The following TEAD1 variants were observed in gnomAD, a reference collection of about 807,000 sequenced individuals.
TEAD1 encodes transcriptional enhancer factor TEF-1.
A neutral mutation model predicts 54.9 loss-of-function variants in TEAD1; 9 were observed. That is an observed-to-expected ratio of 0.16 (90% confidence interval 0.10 to 0.29). The LOEUF is 0.29. Ranked by LOEUF, TEAD1 falls within the 10% of genes least tolerant of loss-of-function variation. The pLI, the probability that TEAD1 is intolerant of heterozygous loss-of-function variation, is 1.00. For synonymous variants in TEAD1, 200 were observed against 187.8 expected (o/e 1.07, Z -0.53); for missense variants, 387 against 535.9 (o/e 0.72, Z 2.74).
chr11:12,881,776 C>CCTG, intron 7 of TEAD1, 120 bp from the exon 8 acceptor site: 1 of 1,008,068 alleles, frequency 9.9e-7, no homozygotes. Context: ...GTGCTACCAC[C>CCTG]TGCAGGCAGG....
intron 10 of TEAD1, chr11:12,922,484 G>A (rs1948828016): frequency 6.6e-6 from 1 of 152,118 alleles, no homozygotes; most frequent in Non-Finnish European, 1.5e-5. Flanking sequence ...TTTGTAGACA[G>A]AAAGTAGGAA....
chr11:12,911,436 G>A (rs1004215289), intron 10 of TEAD1, among the ~76,000 whole-genome samples: 4 of 152,170 alleles, frequency 2.6e-5, no homozygotes, highest in Admixed American at 6.5e-5. Context: ...TTAACAATAC[G>A]AAATCGTTTG....
chr11:12,778,019 A>G (rs571264593), intron 3 of TEAD1, among the ~76,000 whole-genome samples: 225 of 152,194 alleles, frequency 1.5e-3, no homozygotes, highest in Non-Finnish European at 2.5e-3. Flanking sequence ...TTTTGCAATA[A>G]TGAATATTTA....
intron 2 of TEAD1, among the ~76,000 whole-genome samples, chr11:12,756,703 A>G (rs1283097452): frequency 6.6e-6 from 1 of 152,232 alleles, no homozygotes. Flanking sequence ...TGATATTCCC[A>G]TAGAATGTGC....
chr11:12,944,183 G>A lies in TEAD1; in HGVS notation c.*6961G>A, dbSNP rs1267638824. 1.3e-5 allele frequency: 2 copies of A among 152,762 alleles called. No individual in the cohort carries two copies. Among genetic ancestry groups the A allele is most frequent in the Admixed American group, 6.5e-5 (1 of 15,296 alleles). 9.5% of individuals were successfully genotyped at this position (152,762 alleles called of 1,614,324 possible). A position where few individuals can be genotyped will look rare whatever the true frequency, so the allele number is the denominator to read the frequency against. On this transcript the variant is annotated 3_prime_UTR_variant, in exon 13 of 13. Transcript: ENST00000527636. ...ATTGTACTGCTGCTGGGAGTGGGCT[G>A]TGGAACCTGCCTTCGGGTAACTGGG... is the stretch of plus-strand genomic sequence containing the variant.
chr11:12,767,226 C>A (rs1262038812), intron 3 of TEAD1, among the ~76,000 whole-genome samples: 1 of 152,194 alleles, frequency 6.6e-6, no homozygotes, highest in African/African-American at 2.4e-5. Flanking sequence ...GAGCTACTGT[C>A]CTGGGCTTTT....
intron 3 of TEAD1, among the ~76,000 whole-genome samples, chr11:12,797,038 G>A (rs1273170713): frequency 2.0e-5 from 3 of 152,086 alleles, no homozygotes; most frequent in African/African-American, 7.2e-5. Flanking sequence ...GCGTGAACCC[G>A]GGAGGCGGAG....
At chr11:12,768,319 T>C (rs938834480) in intron 3 of TEAD1, among the ~76,000 whole-genome samples, 2 of 152,202 alleles carry the variant, frequency 1.3e-5, no homozygotes, top group Admixed American at 6.5e-5. Context: ...AATGAACTAA[T>C]TGTTATCTGG....
intron 2 of TEAD1, among the ~76,000 whole-genome samples, chr11:12,736,424 G>T (rs1400791355): frequency 2.0e-5 from 3 of 152,120 alleles, no homozygotes; most frequent in Non-Finnish European, 4.4e-5. Flanking sequence ...GATTTAAAAT[G>T]TTATTTGCAT....
At chr11:12,850,667 A>T (rs1352687558) in intron 3 of TEAD1, among the ~76,000 whole-genome samples, 1 of 152,198 alleles carries the variant, frequency 6.6e-6, no homozygotes, top group Non-Finnish European at 1.5e-5. Context: ...AAAACCAGAA[A>T]TCGGCAGCAT....
At chr11:12,742,844 A>G (rs1391441314) in intron 2 of TEAD1, among the ~76,000 whole-genome samples, 1 of 152,230 alleles carries the variant, frequency 6.6e-6, no homozygotes, top group Non-Finnish European at 1.5e-5. Context: ...TTTGCCATCT[A>G]TTAGAATCTC....
At chr11:12,814,397 T>A (rs1040528237) in intron 3 of TEAD1, among the ~76,000 whole-genome samples, 2 of 152,124 alleles carry the variant, frequency 1.3e-5, no homozygotes, top group Non-Finnish European at 2.9e-5. Context: ...TTGGCAGCGC[T>A]GAAGGAAGGG....
At chr11:12,729,767 T>C (rs1944383235) in intron 2 of TEAD1, among the ~76,000 whole-genome samples, 1 of 152,270 alleles carries the variant, frequency 6.6e-6, no homozygotes, top group East Asian at 1.9e-4. Flanking sequence ...GCCTCCCTGA[T>C]GGTTGGCTAT....
At chr11:12,865,196 C>T in intron 5 of TEAD1, 2 of 433,294 alleles carry the variant, frequency 4.6e-6, no homozygotes, top group Non-Finnish European at 8.5e-6. Flanking sequence ...AGCACAGAAA[C>T]ATGATTTTTT....
At chr11:12,857,568 C>G (rs940914018) in intron 3 of TEAD1, among the ~76,000 whole-genome samples, 3 of 119,410 alleles carry the variant, frequency 2.5e-5, no homozygotes, top group African/African-American at 1.2e-4. Context: ...GCATCTCTCT[C>G]TCTCTGTCTC....
chr11:12,748,291 C>T (rs547403080), intron 2 of TEAD1, among the ~76,000 whole-genome samples: 1 of 152,288 alleles, frequency 6.6e-6, no homozygotes, highest in East Asian at 1.9e-4. Flanking sequence ...AAATACCTAC[C>T]AAGGACAATA....
At chr11:12,744,329 G>A (rs546324402) in intron 2 of TEAD1, among the ~76,000 whole-genome samples, 1 of 152,300 alleles carries the variant, frequency 6.6e-6, no homozygotes, top group African/African-American at 2.4e-5. Context: ...TTACAAGGAT[G>A]TTTGCTACAA....
chr11:12,930,825 T>A (rs1185864935), intron 12 of TEAD1, among the ~76,000 whole-genome samples: 2 of 152,236 alleles, frequency 1.3e-5, no homozygotes, highest in Admixed American at 6.5e-5. Context: ...CCTTGACATG[T>A]TCCATGATGG....
chr11:12,879,396 A>T, intron 5 of TEAD1: 1 of 592,152 alleles, frequency 1.7e-6, no homozygotes, highest in Non-Finnish European at 3.0e-6. Context: ...TAATTGGAGA[A>T]ATCTTCTGGA....
Sources: allele counts gnomAD v4.1 joint callset (sites outside exome capture counted in the v4.1 genomes callset), GRCh38; gene constraint gnomAD v4.1.1; transcripts MANE v1.5; gene names NCBI Gene and HGNC (gene_info 2026-07-23, HGNC 2026-07-21).